Variants in WWTR1 observed in about 807,000 individuals in gnomAD.
WWTR1 encodes the protein WW domain containing transcription regulator 1.
WWTR1 carries 13 observed loss-of-function variants against 40.1 expected under a neutral mutation model. The ratio of observed to expected loss-of-function variants is 0.32; its 90% CI spans 0.21 to 0.52. WWTR1 has a LOEUF of 0.52. Ranked by LOEUF, WWTR1 falls within the 20% of genes least tolerant of loss-of-function variation. WWTR1 has a pLI of 0.97. For missense variants in WWTR1, 436 were observed against 523.1 expected, an observed-to-expected ratio of 0.83 and a Z score of 1.63; for synonymous variants, 230 against 210.1, an observed-to-expected ratio of 1.09 and a Z score of -0.82.
At chr3:149,700,272 G>C (rs1715129348) in intron 1 of WWTR1, among the ~76,000 whole-genome samples, 1 of 152,056 alleles carries the variant, frequency 6.6e-6, no homozygotes, top group African/African-American at 2.4e-5. Context: ...TTCAAGACCA[G>C]CCTTGGGCAA....
chr3:149,592,053 TG>T, intron 2 of WWTR1, among the ~76,000 whole-genome samples: 1 of 152,306 alleles, frequency 6.6e-6, no homozygotes, highest in Middle Eastern at 3.4e-3. Flanking sequence ...GACACAGCTA[TG>T]GGGCAAGGTA....
At chr3:149,697,865 AG>A (rs1327446996) in intron 1 of WWTR1, among the ~76,000 whole-genome samples, 1 of 152,236 alleles carries the variant, frequency 6.6e-6, no homozygotes, top group Non-Finnish European at 1.5e-5. Flanking sequence ...CTATTCCAAA[AG>A]GGAGGAGTTG....
Position 149,527,919 on chromosome 3 carries a change from T to C in WWTR1, c.822A>G (p.Pro274=). The C allele has an allele frequency of 6.2e-7, 1 of 1,614,058 alleles. No individual in the cohort carries two copies. The highest frequency in any genetic ancestry group is 8.5e-7 in the Non-Finnish European group (1 of 1,179,966). ...QLPMEAETLA[P]VQAAVNPPTM... ...TGGGTGGGTTGACAGCAGCCTGAACTGGGGCAAGAGTCTCAGCTTCCATGG... is the reference window on the plus strand; with the variant it reads ...TGGGTGGGTTGACAGCAGCCTGAACCGGGGCAAGAGTCTCAGCTTCCATGG... The change falls in exon 5 of 7, where the codon CCA becomes CCG. Residue 274 remains proline (P), a synonymous_variant. Transcript: ENST00000360632.
intron 5 of WWTR1, among the ~76,000 whole-genome samples, chr3:149,711,494 T>C (rs1043614720): frequency 6.6e-6 from 1 of 152,164 alleles, no homozygotes; most frequent in Admixed American, 6.6e-5. Flanking sequence ...AGAGCTTACT[T>C]TATTTTATAA....
At chr3:149,627,243 ATATTGT>A (rs1290040100) in intron 2 of WWTR1, among the ~76,000 whole-genome samples, 3 of 152,202 alleles carry the variant, frequency 2.0e-5, no homozygotes, top group Admixed American at 2.0e-4. Context: ...TAGGGTAAAC[ATATTGT>A]TAAGGTAAAC....
At chr3:149,629,808 C>A (rs1711504995) in intron 2 of WWTR1, among the ~76,000 whole-genome samples, 3 of 152,062 alleles carry the variant, frequency 2.0e-5, no homozygotes, top group South Asian at 2.1e-4. Context: ...AAGTGTATAA[C>A]AATATGAAAA....
intron 1 of WWTR1, among the ~76,000 whole-genome samples, chr3:149,684,600 G>A (rs1484455001): frequency 1.4e-5 from 2 of 146,758 alleles, no homozygotes; most frequent in Admixed American, 6.9e-5. Flanking sequence ...GTCTCACTCT[G>A]TCACCCAGGC....
chr3:149,547,703 G>A lies in WWTR1; in HGVS notation c.569-5166C>T, dbSNP rs1285120799. ...ACAGAAGATTTCTCCATAGAAGCAGGAATGCATCAAAGCTAAAGCAGGGAC... is the reference window on the plus strand; with the variant it reads ...ACAGAAGATTTCTCCATAGAAGCAGAAATGCATCAAAGCTAAAGCAGGGAC... On this transcript the variant is annotated intron_variant, in intron 3 of 6. Transcript: ENST00000360632. Among the ~76,000 whole-genome samples, 7 of 152,176 alleles carry A rather than the reference G, an allele frequency of 4.6e-5. No homozygotes were observed. The South Asian group carries it at 1.4e-3, about 32-fold the overall frequency.
chr3:149,599,047 G>A (rs1468539704), intron 2 of WWTR1, among the ~76,000 whole-genome samples: 3 of 152,244 alleles, frequency 2.0e-5, no homozygotes, highest in East Asian at 3.9e-4. Flanking sequence ...ATGACACACT[G>A]ACATGTTTGG....
intron 1 of WWTR1, among the ~76,000 whole-genome samples, chr3:149,675,086 T>C (rs774284435): frequency 2.0e-5 from 3 of 152,234 alleles, no homozygotes; most frequent in Non-Finnish European, 4.4e-5. Context: ...ACCAGAATCA[T>C]ATATCTTACT....
intron 4 of WWTR1, among the ~76,000 whole-genome samples, chr3:149,530,022 G>A (rs1034266619): frequency 1.3e-5 from 2 of 152,014 alleles, no homozygotes; most frequent in African/African-American, 4.8e-5. Context: ...GCATTCCTTT[G>A]TATTGAAAAA....
intron 4 of WWTR1, among the ~76,000 whole-genome samples, chr3:149,534,484 A>C (rs942771859): frequency 1.3e-5 from 2 of 152,202 alleles, no homozygotes; most frequent in African/African-American, 4.8e-5. Flanking sequence ...TTAATGAAAC[A>C]GCCGATTTAA....
intron 2 of WWTR1, among the ~76,000 whole-genome samples, chr3:149,665,367 A>C (rs1313325371): frequency 6.6e-6 from 1 of 151,806 alleles, no homozygotes; most frequent in Non-Finnish European, 1.5e-5. Context: ...CTGGGATTAC[A>C]GGAGCCCACC....
At position 149,618,960 on chromosome 3, in the gene WWTR1, G is replaced by A. The variant is rs16862049; in HGVS notation, c.431+37916C>T. On this transcript the variant is annotated intron_variant, in intron 2 of 6. Coordinates refer to ENST00000360632, the MANE Select transcript of WWTR1 (RefSeq NM_015472.6). ...TGACGTCTGTGAGATACCCAGAGAC[G>A]TTCAACCCAGAGATATCCAGGCTGC... Among the ~76,000 whole-genome samples the A allele has an allele frequency of 7.6e-3, 1,154 of 152,236 alleles. 15 individuals carry two copies. Among genetic ancestry groups the A allele is most frequent in the African/African-American group, 0.025 (1,054 of 41,530 alleles).
At chr3:149,667,480 G>A (rs36185574) in intron 2 of WWTR1, among the ~76,000 whole-genome samples, 29,914 of 151,396 alleles carry the variant, frequency 0.2, 3,202 homozygotes, top group Admixed American at 0.3. Context: ...CCCAGGAGGT[G>A]GAGCTTGCAG....
intron 2 of WWTR1, among the ~76,000 whole-genome samples, chr3:149,666,661 G>A (rs535284950): frequency 6.6e-6 from 1 of 152,262 alleles, no homozygotes; most frequent in Admixed American, 6.5e-5. Context: ...GTGAGAATGG[G>A]CAGATACACC....
intron 1 of WWTR1, among the ~76,000 whole-genome samples, chr3:149,686,622 G>A (rs931337565): frequency 1.3e-5 from 2 of 151,984 alleles, no homozygotes; most frequent in Non-Finnish European, 2.9e-5. Context: ...GACTACACTG[G>A]GTTACACACA....
chr3:149,575,477 C>T (rs2108002670), intron 2 of WWTR1, among the ~76,000 whole-genome samples: 1 of 152,238 alleles, frequency 6.6e-6, no homozygotes. Context: ...GGAAAAGAAT[C>T]CTTCTCTCTT....
At chr3:149,633,496 A>T (rs1203779228) in intron 2 of WWTR1, among the ~76,000 whole-genome samples, 1 of 152,196 alleles carries the variant, frequency 6.6e-6, no homozygotes, top group East Asian at 1.9e-4. Context: ...CCAAGTAAAA[A>T]GTCCAATATT....
Sources: allele counts gnomAD v4.1 joint callset (sites outside exome capture counted in the v4.1 genomes callset), GRCh38; gene constraint gnomAD v4.1.1; transcripts MANE v1.5; gene names NCBI Gene and HGNC (gene_info 2026-07-23, HGNC 2026-07-21).